Variants in SRD5A2 observed in about 807,000 individuals in gnomAD.
SRD5A2 encodes steroid 5 alpha-reductase 2, also known as 3-oxo-5-alpha-steroid 4-dehydrogenase 2.
Under a neutral mutation model 27.4 loss-of-function variants are expected in SRD5A2, and 30 were observed. The observed-to-expected ratio is 1.10, with a 90% CI of 0.82 to 1.49. The LOEUF is 1.49. Ranked by LOEUF, SRD5A2 falls within the 40% of genes most tolerant of loss-of-function variation. SRD5A2 has a pLI of 0.00. For missense variants in SRD5A2, 348 were observed against 323.4 expected (o/e 1.08, Z -0.58); for synonymous variants, 141 against 133.6 (o/e 1.06, Z -0.38).
At chr2:31,563,690 G>C (rs540880985) in intron 1 of SRD5A2, among the ~76,000 whole-genome samples, 30 of 152,224 alleles carry the variant, frequency 2.0e-4, no homozygotes, top group African/African-American at 7.2e-4. Context: ...AGTATTAGCA[G>C]AGTGTTAATT....
the SRD5A2 span, among the ~76,000 whole-genome samples, chr2:31,648,877 AT>A: frequency 6.6e-6 from 1 of 152,172 alleles, no homozygotes; most frequent in African/African-American, 2.4e-5. Flanking sequence ...GTATTGGCAG[AT>A]TTGAATAGAC....
intron 1 of SRD5A2, among the ~76,000 whole-genome samples, chr2:31,534,821 G>T (rs893334453): frequency 6.6e-6 from 1 of 152,138 alleles, no homozygotes; most frequent in South Asian, 2.1e-4. Context: ...CTCAAAAACA[G>T]GAAGTCTAAG....
intron 1 of SRD5A2, among the ~76,000 whole-genome samples, chr2:31,574,842 T>C (rs1666924214): frequency 1.3e-5 from 2 of 152,240 alleles, no homozygotes; most frequent in Non-Finnish European, 2.9e-5. Flanking sequence ...CTATGGCCCA[T>C]AGGCCAAATA....
the SRD5A2 span, among the ~76,000 whole-genome samples, chr2:31,641,869 A>G: frequency 6.6e-6 from 1 of 152,110 alleles, no homozygotes; most frequent in African/African-American, 2.4e-5. Flanking sequence ...CTCAGTCAAA[A>G]TCTCAACAGG....
the SRD5A2 span, among the ~76,000 whole-genome samples, chr2:31,607,833 C>T: frequency 6.6e-6 from 1 of 152,008 alleles, no homozygotes; most frequent in African/African-American, 2.4e-5. Context: ...TCTCACCCCA[C>T]CCCAGTGTGA....
chr2:31,641,231 C>A, the SRD5A2 span, among the ~76,000 whole-genome samples: 2 of 151,938 alleles, frequency 1.3e-5, no homozygotes. Context: ...TTCTGAAGAC[C>A]AAAATTGCAG....
At chr2:31,640,548 T>C in the SRD5A2 span, among the ~76,000 whole-genome samples, 2 of 152,136 alleles carry the variant, frequency 1.3e-5, no homozygotes, top group Non-Finnish European at 2.9e-5. Context: ...CTCTAGATAG[T>C]TCCTTAAGCT....
In SRD5A2 at chr2:31,536,156, T is replaced by C. The variant is rs147768158; in HGVS notation, c.282-2390A>G. On this transcript the variant is annotated intron_variant, in intron 1 of 4. Coordinates refer to ENST00000622030, the MANE Select transcript of SRD5A2 (RefSeq NM_000348.4). ...AAAGCTTTGGGAGCCTGAAGGTGAC[T>C]TCTTAGAAGGAAAGGATCCTGAAAG... 1.2e-3 allele frequency among the ~76,000 whole-genome samples: 189 copies of C among 152,336 alleles called. 1 individual carries two copies. The highest frequency in any genetic ancestry group is 8.8e-5 in the Non-Finnish European group (6 of 68,036).
chr2:31,628,623 C>A, the SRD5A2 span, among the ~76,000 whole-genome samples: 2 of 152,174 alleles, frequency 1.3e-5, no homozygotes, highest in African/African-American at 4.8e-5. Context: ...CTTTTCTTTG[C>A]ATATTTAGCA....
chr2:31,649,356 T>C, the SRD5A2 span, among the ~76,000 whole-genome samples: 9 of 152,168 alleles, frequency 5.9e-5, no homozygotes, highest in Admixed American at 3.3e-4. Context: ...CCTGACACAT[T>C]AGACAGGACT....
chr2:31,567,450 G>C (rs1477618707), intron 1 of SRD5A2, among the ~76,000 whole-genome samples: 3 of 85,488 alleles, frequency 3.5e-5, no homozygotes, highest in Admixed American at 1.2e-4. Flanking sequence ...GTGTGTGTGT[G>C]TGTGTGTATA....
chr2:31,538,760 A>T (rs56201007), intron 1 of SRD5A2, among the ~76,000 whole-genome samples: 1 of 152,198 alleles, frequency 6.6e-6, no homozygotes, highest in Admixed American at 6.5e-5. Context: ...TGCCTCCAGC[A>T]CTCACTAGCC....
chr2:31,528,135 C>T (rs748229313), intron 4 of SRD5A2, among the ~76,000 whole-genome samples: 22 of 152,220 alleles, frequency 1.4e-4, no homozygotes, highest in Admixed American at 3.3e-4. Flanking sequence ...TAGGCCAGAC[C>T]TTCAGAGGGA....
chr2:31,534,613 T>C (rs919797282), intron 1 of SRD5A2, among the ~76,000 whole-genome samples: 4 of 152,218 alleles, frequency 2.6e-5, no homozygotes, highest in Admixed American at 2.0e-4. Flanking sequence ...CACACACATA[T>C]GCATGCACAC....
the SRD5A2 span, among the ~76,000 whole-genome samples, chr2:31,596,083 C>A: frequency 3.3e-5 from 5 of 151,948 alleles, no homozygotes; most frequent in African/African-American, 4.8e-5. Flanking sequence ...ACATGAAAAC[C>A]CAGAGCCAAC....
the SRD5A2 span, among the ~76,000 whole-genome samples, chr2:31,623,003 C>A: frequency 6.6e-6 from 1 of 152,094 alleles, no homozygotes; most frequent in Non-Finnish European, 1.5e-5. Flanking sequence ...AGTTCTTCAG[C>A]AACTTCTCAT....
At chr2:31,559,459 G>A (rs902674667) in intron 1 of SRD5A2, among the ~76,000 whole-genome samples, 13 of 152,152 alleles carry the variant, frequency 8.5e-5, no homozygotes, top group South Asian at 2.1e-4. Flanking sequence ...TAACTGAGCC[G>A]TGCTAGAACC....
chr2:31,601,526 A>C, the SRD5A2 span, among the ~76,000 whole-genome samples: 1 of 152,092 alleles, frequency 6.6e-6, no homozygotes, highest in African/African-American at 2.4e-5. Flanking sequence ...AAATTGTTCC[A>C]AAAAATTGAA....
upstream of SRD5A2, among the ~76,000 whole-genome samples, chr2:31,581,810 G>T (rs922656241): frequency 2.6e-5 from 4 of 152,132 alleles, no homozygotes; most frequent in Non-Finnish European, 5.9e-5. Flanking sequence ...TGGCCCATCA[G>T]GTGGTGGCCT....
Sources: gnomAD v4.1 joint callset for allele counts (sites outside exome capture counted in the v4.1 genomes callset) on GRCh38, gnomAD v4.1.1 for gene constraint, MANE v1.5 for transcripts, NCBI Gene and HGNC (gene_info 2026-07-23, HGNC 2026-07-21) for gene names.